Variants in TEKTIP1 observed in about 807,000 individuals in gnomAD.
TEKTIP1 encodes tektin bundle interacting protein 1.
the TEKTIP1 span, chr19:3,543,149 C>T: frequency 1.3e-6 from 2 of 1,513,562 alleles, no homozygotes; most frequent in South Asian, 1.2e-5. Context: ...CAGGCCTCTA[C>T]ATCATCCACC....
At chr19:3,541,781 G>T in the TEKTIP1 span, 1 of 985,194 alleles carries the variant, frequency 1.0e-6, no homozygotes. Flanking sequence ...AGGGGTGAGG[G>T]GCTCATTTCT....
the TEKTIP1 span, chr19:3,543,311 A>G: frequency 6.5e-7 from 1 of 1,549,278 alleles, no homozygotes; most frequent in Non-Finnish European, 8.7e-7. Flanking sequence ...GTACACGCCC[A>G]TGGGACGGGA....
chr19:3,543,851 G>A, the TEKTIP1 span: 2 of 1,545,706 alleles, frequency 1.3e-6, no homozygotes, highest in Non-Finnish European at 1.7e-6. Context: ...ACCGGTACGG[G>A]GTGGAGCCAC....
the TEKTIP1 span, chr19:3,539,333 TGTTTG>T: frequency 6.2e-6 from 5 of 810,484 alleles, no homozygotes; most frequent in Non-Finnish European, 7.4e-6. Context: ...GGTTACATGG[TGTTTG>T]GTTTGGGGTC....
chr19:3,544,025 G>A, the TEKTIP1 span: 2 of 1,523,316 alleles, frequency 1.3e-6, no homozygotes, highest in Non-Finnish European at 1.8e-6. Flanking sequence ...ATGCTACCAG[G>A]ATGCACCCAC....
At chr19:3,540,264 T>TG in the TEKTIP1 span, among the ~76,000 whole-genome samples, 2 of 144,938 alleles carry the variant, frequency 1.4e-5, no homozygotes, top group Admixed American at 6.6e-5. Context: ...AGCTAATTTT[T>TG]GTTTTTTTTT....
the TEKTIP1 span, chr19:3,543,863 G>A: frequency 2.8e-4 from 440 of 1,548,764 alleles, no homozygotes; most frequent in Admixed American, 6.7e-4. Context: ...TGGAGCCACT[G>A]TGGAGGGCAT....
At chr19:3,542,386 T>G in the TEKTIP1 span, 1 of 985,288 alleles carries the variant, frequency 1.0e-6, no homozygotes, top group African/African-American at 1.7e-5. Flanking sequence ...TGCTAGACTG[T>G]CTTGGGGCCA....
At chr19:3,540,265 G>GC in the TEKTIP1 span, among the ~76,000 whole-genome samples, 1 of 141,096 alleles carries the variant, frequency 7.1e-6, no homozygotes, top group Non-Finnish European at 1.6e-5. Flanking sequence ...GCTAATTTTT[G>GC]TTTTTTTTTT....
chr19:3,542,060 T>C, the TEKTIP1 span: 1 of 869,598 alleles, frequency 1.1e-6, no homozygotes, highest in Non-Finnish European at 1.4e-6. Flanking sequence ...TCTACCCACC[T>C]TGGCCTCCCA....
chr19:3,543,286 G>A, the TEKTIP1 span: 3 of 1,548,190 alleles, frequency 1.9e-6, no homozygotes, highest in Non-Finnish European at 2.6e-6. Context: ...CCATCAGGCA[G>A]GCCACACGCT....
At chr19:3,543,479 T>TCC in the TEKTIP1 span, 1 of 1,390,162 alleles carries the variant, frequency 7.2e-7, no homozygotes. Flanking sequence ...ATCGGGTGAG[T>TCC]GCCCCCCCCC....
chr19:3,543,360 C>CT, the TEKTIP1 span: 3 of 1,549,432 alleles, frequency 1.9e-6, no homozygotes, highest in East Asian at 7.3e-5. Flanking sequence ...CTGACCAACT[C>CT]GGACGCCTGG....
At chr19:3,540,459 T>A in the TEKTIP1 span, among the ~76,000 whole-genome samples, 1 of 148,848 alleles carries the variant, frequency 6.7e-6, no homozygotes, top group Non-Finnish European at 1.5e-5. Context: ...GGTTTCACCA[T>A]GTTGGCCAGG....
chr19:3,542,187 A>G, the TEKTIP1 span: 8 of 985,372 alleles, frequency 8.1e-6, no homozygotes, highest in Non-Finnish European at 9.6e-6. Context: ...GGTTCTCCTG[A>G]TCTTGAAATT....
chr19:3,542,277 G>A, the TEKTIP1 span: 2 of 985,402 alleles, frequency 2.0e-6, no homozygotes, highest in Non-Finnish European at 2.4e-6. Context: ...CCCATGTTCT[G>A]TGGGCACCTG....
At chr19:3,539,258 C>T in the TEKTIP1 span, 20 of 1,544,504 alleles carry the variant, frequency 1.3e-5, no homozygotes, top group Non-Finnish European at 1.8e-5. Context: ...CACCGCTGTA[C>T]AGGTGAGCCC....
the TEKTIP1 span, chr19:3,542,378 C>T: frequency 1.0e-6 from 1 of 985,382 alleles, no homozygotes; most frequent in Non-Finnish European, 1.2e-6. Context: ...TTGAACCCTG[C>T]TAGACTGTCT....
the TEKTIP1 span, chr19:3,543,192 G>T: frequency 1.3e-6 from 2 of 1,529,458 alleles, no homozygotes; most frequent in Non-Finnish European, 1.8e-6. Context: ...CAAAGCACTC[G>T]CTGTAGACAT....
Sources: allele counts gnomAD v4.1 joint callset (sites outside exome capture counted in the v4.1 genomes callset), GRCh38; gene constraint gnomAD v4.1.1; transcripts MANE v1.5; gene names NCBI Gene and HGNC (gene_info 2026-07-23, HGNC 2026-07-21).